Variants in ZNF799 observed in about 807,000 individuals in gnomAD.
The protein encoded by ZNF799 is zinc finger protein 799, also known as zinc finger protein 14.
In ZNF799, 28 loss-of-function variants were observed where a neutral mutation model predicts 41.0. That is an observed-to-expected ratio of 0.68 (90% confidence interval 0.51 to 0.94). ZNF799 has a LOEUF of 0.94. Among genes scored for constraint, ZNF799 ranks in the 40% least tolerant of loss-of-function variants. ZNF799 has a pLI of 0.00. For missense variants in ZNF799, 716 were observed against 764.3 expected (o/e 0.94, Z 0.74); for synonymous variants, 213 against 252.9 (o/e 0.84, Z 1.50).
At chr19:12,401,569 C>CGAGAAAGAGAGGGAGAGAGAGAGA (rs1969987521), upstream of ZNF799, among the ~76,000 whole-genome samples, 1 of 78,434 alleles carries the variant, frequency 1.3e-5, no homozygotes, top group African/African-American at 5.4e-5. Context: ...TTTTTTTTTC[C>CGAGAAAGAGAGGGAGAGAGAGAGA]GAGAGAGAGA....
At chr19:12,402,416 C>CTTTTTTTTTT (rs745521629), upstream of ZNF799, among the ~76,000 whole-genome samples, 15 of 124,988 alleles carry the variant, frequency 1.2e-4, no homozygotes, top group African/African-American at 2.4e-4. Context: ...CCCTTTATTT[C>CTTTTTTTTTT]TTTTTTTTTT....
chr19:12,409,054 A>G, the ZNF799 span, among the ~76,000 whole-genome samples: 1 of 152,102 alleles, frequency 6.6e-6, no homozygotes, highest in East Asian at 1.9e-4. Context: ...AAAAAAATGC[A>G]TAAGGCAGCA....
intron 1 of ZNF799, among the ~76,000 whole-genome samples, chr19:12,396,678 A>G (rs1969898189): frequency 1.3e-5 from 2 of 152,142 alleles, no homozygotes; most frequent in Admixed American, 1.3e-4. Context: ...ATTTAGCCAT[A>G]TAGAATTTAT....
chr19:12,396,911 A>G (rs995858148), intron 1 of ZNF799, among the ~76,000 whole-genome samples: 2 of 152,138 alleles, frequency 1.3e-5, no homozygotes, highest in African/African-American at 4.8e-5. Context: ...TACAGGTTAG[A>G]AACTCAGATC....
Position 12,390,623 on chromosome 19 carries a change from T to C in ZNF799, c.1775A>G (p.Glu592Gly), listed in dbSNP as rs1452234759. The C allele has an allele frequency of 3.1e-6, 5 of 1,613,752 alleles. No homozygotes were observed. Among genetic ancestry groups the C allele is most frequent in the Admixed American group, 3.3e-5 (2 of 59,974 alleles). ...GAGAGAAGCAAATGCTTTCCCACATTCCTTACATTCATACGGGTTCTCTCC... is the reference window on the plus strand; with the variant it reads ...GAGAGAAGCAAATGCTTTCCCACATCCCTTACATTCATACGGGTTCTCTCC... ...HTGENPYECK[E>G]CGKAFASLSS... Residue 592 changes from glutamate (E) to glycine (G), a missense_variant, in exon 4 of 4, where the codon GAA becomes GGA. By Grantham distance (98) the Glu-to-Gly change is moderately conservative (BLOSUM62 -2). Coordinates refer to ENST00000430385, the MANE Select transcript of ZNF799 (RefSeq NM_001080821.3).
rs757555721 is a variant in ZNF799 at position 12,391,269 on chromosome 19, T to G, written c.1129A>C (p.Ser377Arg). ...CKQCGKALSH[S>R]SSFRRHMTMH... ...GTCATGTGTCTTCGAAAGCTTGAGC[T>G]ATGAGATAACGCTTTCCCACACTGC... The change falls in exon 4 of 4, where the codon AGC becomes CGC. Residue 377 changes from serine to arginine, a missense_variant. By Grantham distance (110) the Ser-to-Arg change is moderately radical (BLOSUM62 -1). This residue lies in a region of ZNF799 where 698 missense variants were observed against 713.6 expected (regional missense o/e 0.98). Transcript: ENST00000430385. 72 of 1,613,964 alleles carry G rather than the reference T, an allele frequency of 4.5e-5. No homozygotes were observed. The highest frequency in any genetic ancestry group is 5.8e-5 in the Non-Finnish European group (68 of 1,179,984).
chr19:12,391,263 T>G lies in ZNF799; in HGVS notation c.1135A>C (p.Ser379Arg), dbSNP rs755192274. The part of the protein sequence containing the change: ...QCGKALSHSS[S>R]FRRHMTMHTG... The stretch of plus-strand genomic sequence containing the variant: ...TGCATTGTCATGTGTCTTCGAAAGC[T>G]TGAGCTATGAGATAACGCTTTCCCA... Residue 379 changes from serine (S) to arginine (R), a missense_variant, in exon 4 of 4, where the codon AGC becomes CGC. Coordinates refer to ENST00000430385, the MANE Select transcript of ZNF799 (RefSeq NM_001080821.3). 5 of 1,613,990 alleles carry G rather than the reference T, an allele frequency of 3.1e-6. No individual in the cohort carries two copies. The African/African-American group carries it at 6.7e-5, about 22-fold the overall frequency.
chr19:12,391,496 G>A lies in ZNF799; in HGVS notation c.902C>T (p.Thr301Ile). The A allele has an allele frequency of 6.2e-7, 1 of 1,614,024 alleles. No individual in the cohort carries two copies. Among genetic ancestry groups the A allele is most frequent in the Non-Finnish European group, 8.5e-7 (1 of 1,179,954 alleles). ...ATAGGGTTTCTCATCAGTGTGAGTT[G>A]TTTCGTGTCTTCGAAGGGAAGTGGA... ...SASTSLRRHETTHTDEKPYAC... is the reference protein window; with the variant it reads ...SASTSLRRHEITHTDEKPYAC... Residue 301 changes from threonine (T) to isoleucine (I), a missense_variant, in exon 4 of 4, where the codon ACA becomes ATA. Physicochemically the swap from Thr to Ile is moderately conservative, Grantham distance 89 (BLOSUM62 -1). This residue lies in a region of ZNF799 where 698 missense variants were observed against 713.6 expected (regional missense o/e 0.98). Coordinates refer to ENST00000430385, the MANE Select transcript of ZNF799 (RefSeq NM_001080821.3).
At chr19:12,410,254 C>CATAT in the ZNF799 span, among the ~76,000 whole-genome samples, 148 of 61,882 alleles carry the variant, frequency 2.4e-3, 1 homozygote, top group African/African-American at 2.8e-3. Flanking sequence ...TGTCTGTGTG[C>CATAT]ATATATATAT....
intron 1 of ZNF799, among the ~76,000 whole-genome samples, chr19:12,395,346 T>C (rs934579778): frequency 3.3e-5 from 5 of 152,104 alleles, no homozygotes; most frequent in African/African-American, 1.2e-4. Context: ...TTCACCCTGT[T>C]GGCCAGGCTG....
chr19:12,399,554 AC>A (rs1030756854), intron 1 of ZNF799, among the ~76,000 whole-genome samples: 2 of 146,724 alleles, frequency 1.4e-5, no homozygotes, highest in Non-Finnish European at 3.0e-5. Context: ...AGGGGGCCAC[AC>A]CCCCCATCTC....
chr19:12,395,125 C>T (rs1969875927), intron 1 of ZNF799: 1 of 150,728 alleles, frequency 6.6e-6, no homozygotes, highest in Admixed American at 6.7e-5. Context: ...ATCCCGAGGT[C>T]TGAAACAAAG....
intron 1 of ZNF799, among the ~76,000 whole-genome samples, chr19:12,397,690 GA>G (rs1351876980): frequency 2.7e-5 from 4 of 150,582 alleles, no homozygotes; most frequent in Non-Finnish European, 5.9e-5. Context: ...AAAGGAAGTT[GA>G]AAAAAACCGA....
At chr19:12,406,094 C>T (rs1270924529), upstream of ZNF799, among the ~76,000 whole-genome samples, 3 of 143,240 alleles carry the variant, frequency 2.1e-5, no homozygotes, top group Non-Finnish European at 4.5e-5. Flanking sequence ...CGCTTGAACC[C>T]GGGAAGCGGA....
chr19:12,391,054 G>C lies in ZNF799; in HGVS notation c.1344C>G (p.Pro448=). The part of the protein sequence containing the change: ...RHETTHTGEK[P]YKCKCGKAFI... ...AGGCTTTCCCACATTTGCATTTATA[G>C]GGTTTCTCTCCAGTATGAGTTGTTT... is the stretch of plus-strand genomic sequence containing the variant. The change falls in exon 4 of 4, where the codon CCC becomes CCG. Residue 448 remains proline (P), a synonymous_variant. Coordinates refer to ENST00000430385, the MANE Select transcript of ZNF799 (RefSeq NM_001080821.3). 1.2e-6 allele frequency: 2 copies of C among 1,614,098 alleles called. No individual in the cohort carries two copies. The highest frequency in any genetic ancestry group is 8.5e-7 in the Non-Finnish European group (1 of 1,179,992).
upstream of ZNF799, among the ~76,000 whole-genome samples, chr19:12,401,740 A>G (rs1265585936): frequency 2.0e-5 from 3 of 151,382 alleles, no homozygotes; most frequent in Non-Finnish European, 4.4e-5. Flanking sequence ...ACACCCGGCT[A>G]ATTTTTGTAT....
rs1319786744 is a variant in ZNF799, at chr19:12,390,734, A to G, written c.1664T>C (p.Met555Thr). ...TCFLRHERIH[M>T]REKPYECQQC... ...TTGACACTCATAGGGTTTCTCTCTC[A>G]TGTGAATTCTTTCATGTCGTAGAAA... The change falls in exon 4 of 4, where the codon ATG (methionine) becomes ACG (threonine). Residue 555 changes from methionine (M) to threonine (T), a missense_variant. Physicochemically the swap from Met to Thr is moderately conservative, Grantham distance 81. Coordinates refer to ENST00000430385, the MANE Select transcript of ZNF799 (RefSeq NM_001080821.3). 11 of 1,613,598 alleles carry G rather than the reference A, an allele frequency of 6.8e-6. No individual in the cohort carries two copies. The highest frequency in any genetic ancestry group is 9.3e-6 in the Non-Finnish European group (11 of 1,179,908).
At chr19:12,409,600 C>T in the ZNF799 span, among the ~76,000 whole-genome samples, 1 of 152,198 alleles carries the variant, frequency 6.6e-6, no homozygotes, top group South Asian at 2.1e-4. Flanking sequence ...AGTACACATT[C>T]TTCTCCAAAC....
At chr19:12,406,696 C>T in the ZNF799 span, among the ~76,000 whole-genome samples, 1 of 151,790 alleles carries the variant, frequency 6.6e-6, no homozygotes, top group Non-Finnish European at 1.5e-5. Flanking sequence ...GTCAGGAGAT[C>T]GAGACCATCC....
Sources: gnomAD v4.1 joint callset for allele counts (sites outside exome capture counted in the v4.1 genomes callset) on GRCh38, gnomAD v4.1.1 for gene constraint, gnomAD v4.1.1 regional missense constraint, MANE v1.5 for transcripts, NCBI Gene and HGNC (gene_info 2026-07-23, HGNC 2026-07-21) for gene names.